Variants in TTC17 observed in about 807,000 individuals in gnomAD.
The protein encoded by TTC17 is tetratricopeptide repeat protein 17.
TTC17 carries 58 observed loss-of-function variants against 143.8 expected under a neutral mutation model. The ratio of observed to expected loss-of-function variants is 0.40; its 90% CI spans 0.33 to 0.50. TTC17 has a LOEUF of 0.50. Ranked by LOEUF, TTC17 falls within the 20% of genes least tolerant of loss-of-function variation. TTC17 has a pLI of 0.49. For missense variants in TTC17, 1,273 were observed against 1,392.5 expected (o/e 0.91, Z 1.37); for synonymous variants, 501 against 497.8 (o/e 1.01, Z -0.09).
At chr11:43,462,984 T>C (rs1947899989) in intron 21 of TTC17, among the ~76,000 whole-genome samples, 2 of 144,230 alleles carry the variant, frequency 1.4e-5, no homozygotes, top group South Asian at 4.2e-4. Flanking sequence ...GGTGCTATCT[T>C]GGCTCACTGC....
At chr11:43,461,954 TC>T (rs1947875644) in intron 21 of TTC17, among the ~76,000 whole-genome samples, 1 of 152,038 alleles carries the variant, frequency 6.6e-6, no homozygotes, top group Non-Finnish European at 1.5e-5. Context: ...ATTTGATTAA[TC>T]CAAAGGAAGT....
chr11:43,359,319 C>G (rs1855996921), intron 1 of TTC17: 2 of 634,910 alleles, frequency 3.2e-6, no homozygotes, highest in South Asian at 2.7e-5. Context: ...GTTTGGCCCC[C>G]TAGAAGTTCT....
At chr11:43,492,616 A>G (rs1019708061) in intron 23 of TTC17, among the ~76,000 whole-genome samples, 6 of 152,310 alleles carry the variant, frequency 3.9e-5, no homozygotes, top group Admixed American at 1.3e-4. Flanking sequence ...CTTTCCCTCT[A>G]GCCTACGGGC....
chr11:43,377,635 T>C (rs1243997259), intron 1 of TTC17, among the ~76,000 whole-genome samples: 1 of 152,204 alleles, frequency 6.6e-6, no homozygotes, highest in Non-Finnish European at 1.5e-5. Context: ...CTTCTGCTAA[T>C]AATTTTATCT....
chr11:43,444,225 T>C lies in TTC17; in HGVS notation c.2665+16T>C, dbSNP rs1326598486. 4 of 1,586,892 alleles carry C rather than the reference T, an allele frequency of 2.5e-6. No homozygotes were observed. The highest frequency in any genetic ancestry group is 3.4e-6 in the Non-Finnish European group (4 of 1,171,444). ...GGGCCACAAGGTAAATTTGAATGTT[T>C]AATATGCCAGTTTCTTGTTTTAGAT... On this transcript the variant is annotated intron_variant, in intron 18 of 23. Transcript: ENST00000039989.
chr11:43,380,673 ATAAATATGTAC>A (rs1416715462), intron 2 of TTC17, among the ~76,000 whole-genome samples: 4 of 152,244 alleles, frequency 2.6e-5, no homozygotes, highest in African/African-American at 9.6e-5. Flanking sequence ...ACAAATAGTT[ATAAATATGTAC>A]TTTTAAAAAA....
At chr11:43,476,129 G>A (rs1439943193) in intron 21 of TTC17, among the ~76,000 whole-genome samples, 1 of 152,196 alleles carries the variant, frequency 6.6e-6, no homozygotes, top group Admixed American at 6.5e-5. Context: ...TTAGTGGAAA[G>A]TGGTACCTAA....
At chr11:43,373,247 C>T (rs566514290) in intron 1 of TTC17, among the ~76,000 whole-genome samples, 1 of 151,696 alleles carries the variant, frequency 6.6e-6, no homozygotes, top group African/African-American at 2.4e-5. Flanking sequence ...CCATGAACAA[C>T]ATAACTGCTC....
chr11:43,422,093 G>A (rs1309832561), intron 16 of TTC17, among the ~76,000 whole-genome samples: 3 of 152,174 alleles, frequency 2.0e-5, no homozygotes, highest in East Asian at 1.9e-4. Flanking sequence ...CACTGGGGTG[G>A]ACAGGGAGAA....
rs1946732284 is a variant in TTC17 at position 43,414,518 on chromosome 11, TACTGTAA to T, written c.2065-69_2065-63del. On this transcript the variant is annotated intron_variant, in intron 15 of 23. Transcript: ENST00000039989. The stretch of plus-strand genomic sequence containing the variant: ...AACCTAAAAAGAGCCAAAAGCCATA[TACTGTAA>T]ACGTTTTGTAACTCCCAGAAAATAT... 1.3e-6 allele frequency: 2 copies of T among 1,499,372 alleles called. 1 individual carries two copies. Among genetic ancestry groups the T allele is most frequent in the South Asian group, 2.6e-5 (2 of 76,476 alleles). The allele number at this position is 1,499,372 out of a possible 1,614,324, so 92.9% of individuals were successfully genotyped here.
intron 21 of TTC17, among the ~76,000 whole-genome samples, chr11:43,451,549 C>T (rs1947657637): frequency 6.6e-6 from 1 of 152,086 alleles, no homozygotes; most frequent in African/African-American, 2.4e-5. Context: ...GTATTGGAAA[C>T]CATGGAATCT....
At chr11:43,467,874 CAAAAAAA>C (rs749942466) in intron 21 of TTC17, among the ~76,000 whole-genome samples, 2 of 128,964 alleles carry the variant, frequency 1.6e-5, no homozygotes, top group African/African-American at 5.8e-5. Context: ...GGGACACATC[CAAAAAAA>C]AAAAAAATCC....
chr11:43,426,610 A>G (rs1947033792), intron 16 of TTC17, among the ~76,000 whole-genome samples: 1 of 152,330 alleles, frequency 6.6e-6, no homozygotes, highest in African/African-American at 2.4e-5. Context: ...TTTGGTTTGA[A>G]TATCATACTT....
chr11:43,419,582 A>G (rs1392042794), intron 16 of TTC17, among the ~76,000 whole-genome samples: 2 of 152,218 alleles, frequency 1.3e-5, no homozygotes, highest in Non-Finnish European at 2.9e-5. Context: ...TACTGCCTGC[A>G]ATGAAGGATC....
At chr11:43,475,076 C>A (rs1045356286) in intron 21 of TTC17, among the ~76,000 whole-genome samples, 2 of 152,106 alleles carry the variant, frequency 1.3e-5, no homozygotes, top group Admixed American at 6.6e-5. Flanking sequence ...TGAAAAAAAT[C>A]CGTGTGTAAG....
intron 11 of TTC17, 111 bp from the exon 12 acceptor site, chr11:43,405,403 A>T: frequency 1.3e-6 from 1 of 795,034 alleles, no homozygotes; most frequent in Non-Finnish European, 2.1e-6. Context: ...CCATAATCTT[A>T]AGATATTATA....
intron 18 of TTC17, chr11:43,446,590 A>G (rs1176131319): frequency 2.4e-6 from 2 of 824,256 alleles, no homozygotes; most frequent in Admixed American, 6.2e-5. Context: ...ATTTAAACAG[A>G]GTTAATTTGA....
At chr11:43,382,740 A>C (rs576120729) in intron 2 of TTC17, among the ~76,000 whole-genome samples, 20 of 152,180 alleles carry the variant, frequency 1.3e-4, no homozygotes, top group Non-Finnish European at 2.6e-4. Context: ...CAAAAAGATT[A>C]TTACTCTAGA....
intron 21 of TTC17, among the ~76,000 whole-genome samples, chr11:43,479,794 G>A (rs939637427): frequency 6.6e-6 from 1 of 152,208 alleles, no homozygotes; most frequent in Non-Finnish European, 1.5e-5. Flanking sequence ...ACCTCTAGGT[G>A]TGGAAAAGGG....
Sources: gnomAD v4.1 joint callset for allele counts (sites outside exome capture counted in the v4.1 genomes callset) on GRCh38, gnomAD v4.1.1 for gene constraint, MANE v1.5 for transcripts, NCBI Gene and HGNC (gene_info 2026-07-23, HGNC 2026-07-21) for gene names.